SVEP1: variants seen among roughly 807,000 people sequenced by gnomAD.
SVEP1 encodes the protein sushi, von Willebrand factor type A, EGF and pentraxin domain-containing protein 1.
Under a neutral mutation model 367.3 loss-of-function variants are expected in SVEP1, and 164 were observed. The observed-to-expected ratio is 0.45, with a 90% CI of 0.39 to 0.51. The LOEUF (loss-of-function observed/expected upper bound fraction) is 0.51. Ranked by LOEUF, SVEP1 falls within the 20% of genes least tolerant of loss-of-function variation. The pLI is 0.00. For missense variants in SVEP1, 4,117 were observed against 4,425.3 expected, an observed-to-expected ratio of 0.93 and a Z score of 1.98; for synonymous variants, 1,666 against 1,611.6, an observed-to-expected ratio of 1.03 and a Z score of -0.81.
At chr9:110,413,559 T>C (rs1828076340) in intron 36 of SVEP1, among the ~76,000 whole-genome samples, 2 of 151,478 alleles carry the variant, frequency 1.3e-5, no homozygotes, top group South Asian at 4.1e-4. Context: ...TAAAATAAAA[T>C]AAAAGGTGTC....
Position 110,458,622 on chromosome 9 carries a change from C to A in SVEP1, c.3485-60G>T. ...AAATATGCCAGTAAGTGGACTATAT[C>A]TAACACTATGGTCAAGATTCTGGTT... On this transcript the variant is annotated intron_variant, in intron 19 of 47. Coordinates refer to ENST00000374469, the MANE Select transcript of SVEP1 (RefSeq NM_153366.4). The A allele has an allele frequency of 4.1e-6, 6 of 1,458,118 alleles. No individual in the cohort carries two copies. The Middle Eastern group carries it at 5.2e-4, about 126-fold the overall frequency. The allele number at this position is 1,458,118 out of a possible 1,614,324, so 90.3% of individuals were successfully genotyped here.
At chr9:110,396,203 A>G (rs200238234) in intron 40 of SVEP1, among the ~76,000 whole-genome samples, 39,913 of 151,656 alleles carry the variant, frequency 0.26, 5,574 homozygotes, top group Middle Eastern at 0.37. Context: ...CTCACTCAAA[A>G]CCGCTCAACT....
intron 39 of SVEP1, among the ~76,000 whole-genome samples, chr9:110,403,296 G>GTTTTTTTGTT (rs1827893440): frequency 2.3e-5 from 1 of 43,454 alleles, no homozygotes; most frequent in African/African-American, 1.2e-4. Flanking sequence ...CGCCACCGCC[G>GTTTTTTTGTT]TTTTTTTTTT....
chr9:110,513,795 T>C lies in SVEP1; in HGVS notation c.1123+153A>G, dbSNP rs556253082. 3.3e-5 allele frequency among the ~76,000 whole-genome samples: 5 copies of C among 152,294 alleles called. No homozygotes were observed. The South Asian group carries it at 1.0e-3, about 32-fold the overall frequency. ...GAGATATGTTCCGTGATAAGAATGTTATAAAAGCAAATCATCCCACTCCCC... is the reference window on the plus strand; with the variant it reads ...GAGATATGTTCCGTGATAAGAATGTCATAAAAGCAAATCATCCCACTCCCC... On this transcript the variant is annotated intron_variant, in intron 4 of 47. Coordinates refer to ENST00000374469, the MANE Select transcript of SVEP1 (RefSeq NM_153366.4).
rs150470181 is a variant in SVEP1, at chr9:110,541,547, C to T, written c.964+4568G>A. Reference sequence around the variant, plus strand: ...TAAGATATACGGTTGTCACTTCATACTTGAAGTAATTATCTTAATGCTCAT... The same window carrying T: ...TAAGATATACGGTTGTCACTTCATATTTGAAGTAATTATCTTAATGCTCAT... On this transcript the variant is annotated intron_variant, in intron 3 of 47. Transcript: ENST00000374469. Among the ~76,000 whole-genome samples, 146 of 152,180 alleles carry T rather than the reference C, an allele frequency of 9.6e-4. 2 individuals are homozygous for T. Among genetic ancestry groups the T allele is most frequent in the African/African-American group, 3.5e-3 (144 of 41,538 alleles).
chr9:110,474,869 T>C (rs1447513748), intron 14 of SVEP1, among the ~76,000 whole-genome samples: 2 of 152,030 alleles, frequency 1.3e-5, no homozygotes, highest in Admixed American at 1.3e-4. Flanking sequence ...AGTAGGATAT[T>C]TAGTGAATAA....
At chr9:110,565,944 C>T (rs776983196) in intron 1 of SVEP1, among the ~76,000 whole-genome samples, 6 of 152,016 alleles carry the variant, frequency 3.9e-5, no homozygotes, top group Non-Finnish European at 5.9e-5. Flanking sequence ...AGTTCTTCAA[C>T]CTAACCAGTA....
At chr9:110,558,417 G>T (rs1351109353) in intron 1 of SVEP1, among the ~76,000 whole-genome samples, 1 of 150,786 alleles carries the variant, frequency 6.6e-6, no homozygotes, top group African/African-American at 2.4e-5. Flanking sequence ...GGGTGGCTGA[G>T]GTGGGAGAAC....
intron 39 of SVEP1, among the ~76,000 whole-genome samples, chr9:110,403,373 C>T (rs541076272): frequency 1.5e-5 from 2 of 129,554 alleles, no homozygotes; most frequent in African/African-American, 5.9e-5. Context: ...GGCGCAATCT[C>T]GGTTCACTGC....
At position 110,465,661 on chromosome 9, in the gene SVEP1, G is replaced by A. The variant is rs192068702; in HGVS notation, c.3322+204C>T. Among the ~76,000 whole-genome samples, 10 of 152,192 alleles carry A rather than the reference G, an allele frequency of 6.6e-5. No individual in the cohort carries two copies. The East Asian group carries it at 1.5e-3, about 24-fold the overall frequency. Reference sequence around the variant, plus strand: ...TTCTTTTGTGTTCCTAACCCAGCCCGGTGTTTACACGGCAGGTATTTATAC... The same window carrying A: ...TTCTTTTGTGTTCCTAACCCAGCCCAGTGTTTACACGGCAGGTATTTATAC... On this transcript the variant is annotated intron_variant, in intron 18 of 47. Transcript: ENST00000374469.
chr9:110,493,916 G>A (rs1361155712), intron 8 of SVEP1, among the ~76,000 whole-genome samples: 1 of 152,122 alleles, frequency 6.6e-6, no homozygotes, highest in East Asian at 1.9e-4. Context: ...GCTTTTAGAG[G>A]CTGCCTGCAT....
chr9:110,409,015 C>T (rs1402195736), intron 37 of SVEP1, 64 bp from the exon 38 acceptor site: 66 of 1,487,408 alleles, frequency 4.4e-5, no homozygotes, highest in Non-Finnish European at 5.9e-5. Context: ...TTAACTAAAT[C>T]CTTGGATAGT....
chr9:110,526,664 A>G (rs951223105), intron 3 of SVEP1, among the ~76,000 whole-genome samples: 7 of 152,130 alleles, frequency 4.6e-5, no homozygotes, highest in East Asian at 1.9e-4. Flanking sequence ...CAATCCCACA[A>G]TTACATTCCT....
intron 45 of SVEP1, 109 bp from the exon 46 acceptor site, chr9:110,375,572 G>A: frequency 2.1e-6 from 2 of 966,386 alleles, no homozygotes; most frequent in Non-Finnish European, 3.0e-6. Context: ...TTTTGCAGGA[G>A]TGAAACCTTA....
intron 1 of SVEP1, among the ~76,000 whole-genome samples, chr9:110,578,403 G>T (rs188092044): frequency 1.2e-4 from 18 of 151,150 alleles, no homozygotes; most frequent in Admixed American, 1.1e-3. Flanking sequence ...GTTTAATTCA[G>T]TCCACAAACA....
At chr9:110,577,742 AG>A (rs1296516993) in intron 1 of SVEP1, among the ~76,000 whole-genome samples, 1 of 152,092 alleles carries the variant, frequency 6.6e-6, no homozygotes, top group Non-Finnish European at 1.5e-5. Flanking sequence ...CAAATCATTA[AG>A]AAAAAAAAAC....
intron 5 of SVEP1, among the ~76,000 whole-genome samples, chr9:110,512,556 A>G (rs899546969): frequency 1.3e-5 from 2 of 152,140 alleles, no homozygotes; most frequent in African/African-American, 4.8e-5. Flanking sequence ...TTGTTGCAGG[A>G]TACTTGTGTG....
At chr9:110,436,767 TATA>T (rs1412473046) in intron 27 of SVEP1, among the ~76,000 whole-genome samples, 4 of 152,348 alleles carry the variant, frequency 2.6e-5, no homozygotes, top group East Asian at 1.9e-4. Flanking sequence ...TATATATGCA[TATA>T]ATATTTTATG....
chr9:110,404,282 A>T, intron 39 of SVEP1, 45 bp downstream of exon 39: 1 of 1,567,158 alleles, frequency 6.4e-7, no homozygotes, highest in South Asian at 1.1e-5. Flanking sequence ...TTGGCAATAT[A>T]TGTATATGTA....
Sources: allele counts gnomAD v4.1 joint callset (sites outside exome capture counted in the v4.1 genomes callset), GRCh38; gene constraint gnomAD v4.1.1; transcripts MANE v1.5; gene names NCBI Gene and HGNC (gene_info 2026-07-23, HGNC 2026-07-21).